Variants in MASTL observed in about 807,000 individuals in gnomAD.
The protein encoded by MASTL is serine/threonine-protein kinase greatwall.
A neutral mutation model predicts 82.5 loss-of-function variants in MASTL; 54 were observed. The ratio of observed to expected loss-of-function variants is 0.65; its 90% CI spans 0.53 to 0.82. The LOEUF (loss-of-function observed/expected upper bound fraction) is 0.82. Among genes scored for constraint, MASTL ranks in the 40% least tolerant of loss-of-function variants. The pLI, the probability that MASTL is intolerant of heterozygous loss-of-function variation, is 0.00. For missense variants in MASTL, 950 were observed against 1,047.8 expected, an observed-to-expected ratio of 0.91 and a Z score of 1.29; for synonymous variants, 323 against 368.9, an observed-to-expected ratio of 0.88 and a Z score of 1.43.
At chr10:27,164,758 C>T (rs1006958267) in intron 4 of MASTL, among the ~76,000 whole-genome samples, 1 of 152,046 alleles carries the variant, frequency 6.6e-6, no homozygotes, top group Non-Finnish European at 1.5e-5. Flanking sequence ...CTGCCTCAGC[C>T]TCCCGAGTAC....
intron 6 of MASTL, among the ~76,000 whole-genome samples, chr10:27,166,859 G>C (rs1193980136): frequency 6.6e-6 from 1 of 152,024 alleles, no homozygotes. Flanking sequence ...CAGTACTTGT[G>C]TCTAAACATA....
chr10:27,175,184 T>TTTAC (rs72046754), intron 9 of MASTL, among the ~76,000 whole-genome samples: 1 of 151,216 alleles, frequency 6.6e-6, no homozygotes, highest in Non-Finnish European at 1.5e-5. Context: ...TTATTATTTA[T>TTTAC]TTATTTATTT....
rs772865798 is a variant in MASTL, at chr10:27,158,583, T to C, written c.221T>C (p.Met74Thr). ...VKKADMINKN[M>T]THQVQAERDA... The stretch of plus-strand genomic sequence containing the variant: ...AAAGCAGACATGATCAACAAAAATA[T>C]GACTCATCAGGTCCAAGCTGAGAGA... The change falls in exon 2 of 12, where the codon ATG becomes ACG. Residue 74 changes from methionine (M) to threonine (T), a missense_variant. Coordinates refer to ENST00000375940, the MANE Select transcript of MASTL (RefSeq NM_001172303.3). 2.5e-6 allele frequency: 4 copies of C among 1,610,070 alleles called. No individual in the cohort carries two copies. Among genetic ancestry groups the C allele is most frequent in the Admixed American group, 3.3e-5 (2 of 60,010 alleles).
Position 27,181,469 on chromosome 10 carries a change from T to A in MASTL, c.2381-11T>A, listed in dbSNP as rs770475314. The A allele has an allele frequency of 3.9e-6, 6 of 1,548,484 alleles. No homozygotes were observed. The East Asian group carries it at 1.1e-4, about 29-fold the overall frequency. On this transcript the variant is annotated splice_polypyrimidine_tract_variant and intron_variant, in intron 10 of 11. Transcript: ENST00000375940. ...TAATAAACAAGTTTATTTGTATATG[T>A]ATAATTTTAGATATCCCTTGGCCAG...
intron 8 of MASTL, among the ~76,000 whole-genome samples, chr10:27,172,082 C>T (rs1420314586): frequency 1.3e-5 from 2 of 151,994 alleles, no homozygotes; most frequent in Non-Finnish European, 2.9e-5. Flanking sequence ...CTGCCTTGGC[C>T]TCCCAAAGTG....
chr10:27,157,483 A>G (rs939498184), intron 1 of MASTL, among the ~76,000 whole-genome samples: 4 of 152,222 alleles, frequency 2.6e-5, no homozygotes, highest in Admixed American at 6.5e-5. Flanking sequence ...TCTTAAAGAA[A>G]GGAGTTAAGG....
rs145233187 is a variant in MASTL, at chr10:27,187,317, T to C, written c.*781T>C. Among the ~76,000 whole-genome samples the C allele has an allele frequency of 1.3e-5, 2 of 151,982 alleles. No homozygotes were observed. Among genetic ancestry groups the C allele is most frequent in the South Asian group, 2.1e-4 (1 of 4,804 alleles). On this transcript the variant is annotated 3_prime_UTR_variant, in exon 12 of 12. Coordinates refer to ENST00000375940, the MANE Select transcript of MASTL (RefSeq NM_001172303.3). ...TCCGTCTCAAAAAAATAAAGGCAGCTGGAAAATTCCTTCACTTAGTAACTC... is the reference window on the plus strand; with the variant it reads ...TCCGTCTCAAAAAAATAAAGGCAGCCGGAAAATTCCTTCACTTAGTAACTC...
Position 27,170,453 on chromosome 10 carries a change from TCAA to T in MASTL, c.1498_1500del (p.Gln500del), listed in dbSNP as rs1462918471. The T allele has an allele frequency of 1.2e-6, 2 of 1,613,944 alleles. No individual in the cohort carries two copies. Among genetic ancestry groups the T allele is most frequent in the East Asian group, 4.5e-5 (2 of 44,870 alleles). The stretch of plus-strand genomic sequence containing the variant: ...ACCTTAAGCTATCAGTGCACAAAAG[TCAA>T]CAAAATGACTGTGCTAATAAGGAGA... On this transcript the variant is annotated inframe_deletion, in exon 8 of 12. Transcript: ENST00000375940.
intron 8 of MASTL, among the ~76,000 whole-genome samples, chr10:27,171,410 AATTATTATTATTATT>A (rs71386919): frequency 0.04 from 5,741 of 144,648 alleles, 220 homozygotes; most frequent in Admixed American, 0.12. Context: ...TGAGTTACAA[AATTATTATTATTATT>A]ATTATTATTA....
At chr10:27,186,355 G>A in intron 11 of MASTL, 24 bp from the exon 12 acceptor site, 3 of 1,609,520 alleles carry the variant, frequency 1.9e-6, no homozygotes, top group Non-Finnish European at 2.6e-6. Flanking sequence ...ATATCATACT[G>A]TTTTGTTTTA....
chr10:27,165,882 CAG>C (rs1290098901), intron 6 of MASTL, among the ~76,000 whole-genome samples: 7 of 151,676 alleles, frequency 4.6e-5, no homozygotes, highest in Middle Eastern at 6.9e-3. Context: ...GCCTTGGTGA[CAG>C]AGTGAGACCC....
In MASTL at chr10:27,182,372, A is replaced by T. The variant is rs1020496559; in HGVS notation, c.2482+791A>T. Among the ~76,000 whole-genome samples the T allele has an allele frequency of 7.9e-5, 12 of 152,226 alleles. No homozygotes were observed. The East Asian group carries it at 2.1e-3, about 27-fold the overall frequency. ...ATTGATATATTGGTCCTTATTCTAC[A>T]TGAAAATTCAATGTGTCACATGGTA... On this transcript the variant is annotated intron_variant, in intron 11 of 11. Coordinates refer to ENST00000375940, the MANE Select transcript of MASTL (RefSeq NM_001172303.3).
rs370880774 is a variant in MASTL at position 27,181,182 on chromosome 10, C to G, written c.2380+116C>G. On this transcript the variant is annotated intron_variant, in intron 10 of 11. Coordinates refer to ENST00000375940, the MANE Select transcript of MASTL (RefSeq NM_001172303.3). ...GGTGGATCGCCTGAGGTCAGGAGTT[C>G]GAGACCAGCCTGGCCAACATGGTAA... 8.7e-5 allele frequency: 65 copies of G among 746,694 alleles called. No individual in the cohort carries two copies. In the African/African-American group the frequency reaches 9.8e-4, roughly 11 times the overall value. The allele number at this position is 746,694 out of a possible 1,614,324, so 46.3% of individuals were successfully genotyped here.
In MASTL at chr10:27,158,276, T is replaced by C. The variant is rs788220; in HGVS notation, c.187-273T>C. ...GGCTTCCACGTGTAATCCCAGCACT[T>C]TGACAGGGGTATTGCTTGAGGCTCA... On this transcript the variant is annotated intron_variant, in intron 1 of 11. Transcript: ENST00000375940. 0.14 allele frequency among the ~76,000 whole-genome samples: 21,936 copies of C among 152,224 alleles called. 1,903 individuals carry two copies. Among genetic ancestry groups the C allele is most frequent in the Admixed American group, 0.23 (3,442 of 15,272 alleles).
At chr10:27,162,371 T>C (rs558845577) in intron 4 of MASTL, among the ~76,000 whole-genome samples, 11 of 152,286 alleles carry the variant, frequency 7.2e-5, no homozygotes, top group Admixed American at 3.3e-4. Flanking sequence ...TAGAAACATA[T>C]TGTATTCTTG....
intron 9 of MASTL, among the ~76,000 whole-genome samples, chr10:27,179,002 G>T (rs2058189399): frequency 6.6e-6 from 1 of 152,136 alleles, no homozygotes; most frequent in Non-Finnish European, 1.5e-5. Flanking sequence ...CCTAAAATCA[G>T]ATTCCACAAT....
chr10:27,171,097 T>G lies in MASTL; in HGVS notation c.2124+14T>G. 6.2e-7 allele frequency: 1 copy of G among 1,610,380 alleles called. No homozygotes were observed. The highest frequency in any genetic ancestry group is 8.5e-7 in the Non-Finnish European group (1 of 1,176,666). On this transcript the variant is annotated intron_variant, in intron 8 of 11. Coordinates refer to ENST00000375940, the MANE Select transcript of MASTL (RefSeq NM_001172303.3). Reference sequence around the variant, plus strand: ...ATGCCACATCAGGTATATTTATAACTTTCTAATACTGTTTTTTGGATTTTA... The same window carrying G: ...ATGCCACATCAGGTATATTTATAACGTTCTAATACTGTTTTTTGGATTTTA...
chr10:27,173,010 C>A, intron 8 of MASTL, 108 bp from the exon 9 acceptor site: 1 of 1,285,700 alleles, frequency 7.8e-7, no homozygotes, highest in South Asian at 1.3e-5. Context: ...ACATCCTTTA[C>A]GCCTAGTAGC....
intron 8 of MASTL, among the ~76,000 whole-genome samples, chr10:27,172,172 C>T (rs1201081390): frequency 1.3e-5 from 2 of 152,144 alleles, no homozygotes; most frequent in African/African-American, 2.4e-5. Flanking sequence ...TAAACCTTTA[C>T]CAACCCAAAG....
Sources: allele counts gnomAD v4.1 joint callset (sites outside exome capture counted in the v4.1 genomes callset), GRCh38; gene constraint gnomAD v4.1.1; transcripts MANE v1.5; gene names NCBI Gene and HGNC (gene_info 2026-07-23, HGNC 2026-07-21).